TRHR: variants seen among roughly 807,000 people sequenced by gnomAD.
TRHR encodes thyrotropin-releasing hormone receptor.
A neutral mutation model predicts 28.0 loss-of-function variants in TRHR; 14 were observed. The ratio of observed to expected loss-of-function variants is 0.50; its 90% CI spans 0.33 to 0.78. The LOEUF is 0.78. TRHR is among the 30% of genes least tolerant of loss of function. TRHR has a pLI of 0.02. For synonymous variants in TRHR, 176 were observed against 171.9 expected (o/e 1.02, Z -0.18); for missense variants, 438 against 469.5 (o/e 0.93, Z 0.62).
chr8:109,115,253 C>T (rs1811902687), intron 2 of TRHR, among the ~76,000 whole-genome samples: 1 of 152,068 alleles, frequency 6.6e-6, no homozygotes, highest in African/African-American at 2.4e-5. Flanking sequence ...TAGCATGATG[C>T]CTCCAGCTTT....
At position 109,119,120 on chromosome 8, in the gene TRHR, G is replaced by A; in HGVS notation, c.862G>A (p.Val288Ile). ...LWMPYRTLVV[V>I]NSFLSSPFQE... The stretch of plus-strand genomic sequence containing the variant: ...GATGCCCTACAGGACTCTAGTGGTT[G>A]TCAACTCATTTCTCTCCAGTCCTTT... The change falls in exon 3 of 3, where the codon GTC becomes ATC. Residue 288 changes from valine to isoleucine, a missense_variant. Transcript: ENST00000518632. The A allele has an allele frequency of 6.2e-7, 1 of 1,612,892 alleles. No individual in the cohort carries two copies. The highest frequency in any genetic ancestry group is 8.5e-7 in the Non-Finnish European group (1 of 1,179,262).
rs147178230 is a variant in TRHR at position 109,087,893 on chromosome 8, C to A, written c.381C>A (p.Ile127=). The A allele has an allele frequency of 1.1e-5, 17 of 1,614,086 alleles. No homozygotes were observed. Among genetic ancestry groups the A allele is most frequent in the Non-Finnish European group, 1.4e-5 (17 of 1,180,042 alleles). The stretch of plus-strand genomic sequence containing the variant: ...TTACCATTGAGAGGTACATAGCAAT[C>A]TGTCACCCCATCAAAGCCCAGTTTC... ...TAFTIERYIA[I]CHPIKAQFLC... is the part of the protein sequence containing the mutation. Residue 127 remains isoleucine, a synonymous_variant, in exon 2 of 3, where the codon ATC becomes ATA. Coordinates refer to ENST00000518632, the MANE Select transcript of TRHR (RefSeq NM_003301.7).
At chr8:109,100,338 T>C (rs919063107) in intron 2 of TRHR, among the ~76,000 whole-genome samples, 3 of 152,128 alleles carry the variant, frequency 2.0e-5, no homozygotes, top group African/African-American at 4.8e-5. Context: ...TAGGAATCAA[T>C]TGGAAATCTC....
chr8:109,119,408 T>A lies in TRHR; in HGVS notation c.1150T>A (p.Phe384Ile). ...TTACCTGTCTGCCACAAAAGTGTCT[T>A]TTGATGACACCTGCTTGGCTTCTGA... ...DTYLSATKVS[F>I]DDTCLASEVS... Residue 384 changes from phenylalanine to isoleucine, a missense_variant, in exon 3 of 3, where the codon TTT becomes ATT. Transcript: ENST00000518632. 1 of 1,612,430 alleles carries A rather than the reference T, an allele frequency of 6.2e-7. No homozygotes were observed. The highest frequency in any genetic ancestry group is 8.5e-7 in the Non-Finnish European group (1 of 1,178,996).
chr8:109,120,745 T>C lies in TRHR; in HGVS notation c.*1290T>C, dbSNP rs1811996132. ...TTTATTGGAGACTTGTGAATGAATC[T>C]GTCCAGGACACTTGTCAGTTCCTAC... On this transcript the variant is annotated 3_prime_UTR_variant, in exon 3 of 3. Coordinates refer to ENST00000518632, the MANE Select transcript of TRHR (RefSeq NM_003301.7). Among the ~76,000 whole-genome samples, 1 of 151,776 alleles carries C rather than the reference T, an allele frequency of 6.6e-6. No homozygotes were observed. Among genetic ancestry groups the C allele is most frequent in the African/African-American group, 2.4e-5 (1 of 41,400 alleles).
chr8:109,109,450 A>G (rs997176497), intron 2 of TRHR, among the ~76,000 whole-genome samples: 10 of 152,142 alleles, frequency 6.6e-5, no homozygotes, highest in Non-Finnish European at 1.3e-4. Flanking sequence ...AATAAAAAAA[A>G]AAAAGTAGGG....
chr8:109,097,017 C>A (rs779924110), intron 2 of TRHR, among the ~76,000 whole-genome samples: 13 of 152,054 alleles, frequency 8.5e-5, no homozygotes, highest in Admixed American at 1.3e-4. Context: ...CTTGCCAGTA[C>A]GATGGTGATT....
At chr8:109,096,614 C>T (rs1026813102) in intron 2 of TRHR, among the ~76,000 whole-genome samples, 1 of 152,140 alleles carries the variant, frequency 6.6e-6, no homozygotes, top group Non-Finnish European at 1.5e-5. Context: ...TCCCCAACTC[C>T]GCATTCAGTG....
At chr8:109,118,794 A>T (rs1483732875) in intron 2 of TRHR, among the ~76,000 whole-genome samples, 3 of 151,880 alleles carry the variant, frequency 2.0e-5, no homozygotes, top group Non-Finnish European at 4.4e-5. Context: ...CTTGAGCCAG[A>T]GTTGGCTATA....
intron 2 of TRHR, among the ~76,000 whole-genome samples, chr8:109,088,711 A>T (rs1811479332): frequency 1.3e-5 from 2 of 152,212 alleles, no homozygotes; most frequent in Non-Finnish European, 2.9e-5. Flanking sequence ...ATTTGACAAG[A>T]CAGTTTGAAA....
At chr8:109,110,060 G>GC (rs1811807420) in intron 2 of TRHR, among the ~76,000 whole-genome samples, 1 of 152,124 alleles carries the variant, frequency 6.6e-6, no homozygotes, top group South Asian at 2.1e-4. Context: ...GTCAGCTCAT[G>GC]CCCCTACTGG....
intron 2 of TRHR, among the ~76,000 whole-genome samples, chr8:109,097,164 C>T (rs1015470351): frequency 6.6e-6 from 1 of 152,054 alleles, no homozygotes; most frequent in Admixed American, 6.6e-5. Context: ...TAAATTCCCT[C>T]CACAATAAAA....
chr8:109,098,283 C>G (rs527462279), intron 2 of TRHR, among the ~76,000 whole-genome samples: 4 of 151,984 alleles, frequency 2.6e-5, no homozygotes, highest in Non-Finnish European at 5.9e-5. Context: ...GCGTGTGCTA[C>G]CATGCCTGGC....
At chr8:109,110,376 TTGTC>T (rs1333826848) in intron 2 of TRHR, among the ~76,000 whole-genome samples, 2 of 151,862 alleles carry the variant, frequency 1.3e-5, no homozygotes, top group Non-Finnish European at 2.9e-5. Context: ...CATCGATAAC[TTGTC>T]TGTGAGAAAA....
chr8:109,113,317 T>A (rs377218256), intron 2 of TRHR, among the ~76,000 whole-genome samples: 61 of 152,230 alleles, frequency 4.0e-4, no homozygotes, highest in African/African-American at 1.4e-3. Flanking sequence ...GAGAATGGCA[T>A]GTCACTCCTG....
chr8:109,114,582 T>C (rs944936278), intron 2 of TRHR, among the ~76,000 whole-genome samples: 1 of 152,112 alleles, frequency 6.6e-6, no homozygotes, highest in Admixed American at 6.6e-5. Context: ...ATAGTGTTAC[T>C]TCATTACATG....
At position 109,120,655 on chromosome 8, in the gene TRHR, A is replaced by G. The variant is rs2129945948; in HGVS notation, c.*1200A>G. Among the ~76,000 whole-genome samples, 1 of 151,926 alleles carries G rather than the reference A, an allele frequency of 6.6e-6. No homozygotes were observed. The highest frequency in any genetic ancestry group is 2.1e-4 in the South Asian group (1 of 4,824). ...TGGCTTTATTTTCAGCAGAGTTAAAACTGATTTCATCATATTATCAGTATG... is the reference window on the plus strand; with the variant it reads ...TGGCTTTATTTTCAGCAGAGTTAAAGCTGATTTCATCATATTATCAGTATG... On this transcript the variant is annotated 3_prime_UTR_variant, in exon 3 of 3. Transcript: ENST00000518632.
In TRHR at chr8:109,119,380, CACTT is replaced by C. The variant is rs1433577543; in HGVS notation, c.1125_1128del (p.Tyr376CysfsTer25). ...AGCTTGATGATATCACTGTCACTGA[CACTT>C]ACCTGTCTGCCACAAAAGTGTCTTT... On this transcript the variant is annotated frameshift_variant, in exon 3 of 3. Transcript: ENST00000518632. LOFTEE classifies it high-confidence loss of function. 2 of 1,612,304 alleles carry C rather than the reference CACTT, an allele frequency of 1.2e-6. No individual in the cohort carries two copies. Among genetic ancestry groups the C allele is most frequent in the East Asian group, 2.2e-5 (1 of 44,826 alleles).
Position 109,088,449 on chromosome 8 carries a change from T to C in TRHR, c.789+148T>C. ...ACAGTGTAAGCTTCTGCCTAACATA[T>C]TAAATCCATCTCTAAAGCAACTGAA... On this transcript the variant is annotated intron_variant, in intron 2 of 2. Transcript: ENST00000518632. The C allele has an allele frequency of 3.4e-6, 3 of 892,968 alleles. No homozygotes were observed. In the South Asian group the frequency reaches 4.8e-5, roughly 14 times the overall value. The allele number at this position is 892,968 out of a possible 1,614,324, so 55.3% of individuals were successfully genotyped here.
Sources: allele counts gnomAD v4.1 joint callset (sites outside exome capture counted in the v4.1 genomes callset), GRCh38; gene constraint gnomAD v4.1.1; transcripts MANE v1.5; gene names NCBI Gene and HGNC (gene_info 2026-07-23, HGNC 2026-07-21).